PTN: variants seen among roughly 807,000 people sequenced by gnomAD.
The protein encoded by PTN is heparin affin regulatory protein.
In PTN, 18 loss-of-function variants were observed where a neutral mutation model predicts 24.1. That is an observed-to-expected ratio of 0.75 (90% CI 0.52 to 1.11). PTN has a LOEUF of 1.11. Among genes scored for constraint, PTN ranks in the 50% least tolerant of loss-of-function variants. PTN has a pLI of 0.00. For missense variants in PTN, 163 were observed against 198.8 expected, an observed-to-expected ratio of 0.82 and a Z score of 1.08; for synonymous variants, 78 against 68.6, an observed-to-expected ratio of 1.14 and a Z score of -0.67.
At chr7:137,297,884 G>A (rs367751658) in intron 1 of PTN, among the ~76,000 whole-genome samples, 1 of 119,808 alleles carries the variant, frequency 8.3e-6, no homozygotes, top group African/African-American at 3.0e-5. Flanking sequence ...GATATCCAAG[G>A]GGCTAGAAGC....
At chr7:137,316,491 T>C (rs553450894) in intron 1 of PTN, among the ~76,000 whole-genome samples, 1 of 152,328 alleles carries the variant, frequency 6.6e-6, no homozygotes, top group African/African-American at 2.4e-5. Context: ...TGATTGCATC[T>C]GTCAAGTGGT....
chr7:137,285,536 T>C (rs1398942178), intron 1 of PTN, among the ~76,000 whole-genome samples: 2 of 152,050 alleles, frequency 1.3e-5, no homozygotes, highest in Non-Finnish European at 2.9e-5. Flanking sequence ...CATGGTGGCG[T>C]GTGCCTGTAG....
At chr7:137,270,252 T>A (rs1339712993) in intron 1 of PTN, among the ~76,000 whole-genome samples, 2 of 152,234 alleles carry the variant, frequency 1.3e-5, no homozygotes, top group Non-Finnish European at 2.9e-5. Context: ...TTTTCGATTG[T>A]CAATTAATTT....
intron 4 of PTN, among the ~76,000 whole-genome samples, chr7:137,245,559 A>C (rs1808708310): frequency 6.6e-6 from 1 of 152,198 alleles, no homozygotes; most frequent in Non-Finnish European, 1.5e-5. Flanking sequence ...TTATGTATTT[A>C]CTATACAATA....
intron 4 of PTN, among the ~76,000 whole-genome samples, chr7:137,248,566 G>A (rs322299): frequency 0.089 from 13,530 of 152,186 alleles, 650 homozygotes; most frequent in Non-Finnish European, 0.1. Context: ...CATAATCCCA[G>A]CTACTCAGGA....
chr7:137,328,513 T>C (rs1247425647), intron 1 of PTN, among the ~76,000 whole-genome samples: 1 of 152,160 alleles, frequency 6.6e-6, no homozygotes, highest in Non-Finnish European at 1.5e-5. Context: ...CTTTGGTCCC[T>C]ATTGTATGTT....
At chr7:137,240,140 T>C (rs973381926) in intron 4 of PTN, among the ~76,000 whole-genome samples, 2 of 152,166 alleles carry the variant, frequency 1.3e-5, no homozygotes, top group African/African-American at 2.4e-5. Context: ...TTCTGTTTAG[T>C]TTTTAAGGTC....
intron 4 of PTN, among the ~76,000 whole-genome samples, chr7:137,239,354 C>A (rs1808579421): frequency 6.6e-6 from 1 of 151,098 alleles, no homozygotes; most frequent in Non-Finnish European, 1.5e-5. Context: ...GGGCTAGGGA[C>A]TATAAGATGT....
chr7:137,323,472 G>A (rs1810199470), intron 1 of PTN, among the ~76,000 whole-genome samples: 1 of 152,124 alleles, frequency 6.6e-6, no homozygotes, highest in East Asian at 1.9e-4. Context: ...TCATTTGTTT[G>A]CCAAACTTTC....
In PTN at chr7:137,333,963, T is replaced by C. The variant is rs1276699877; in HGVS notation, c.-2+9476A>G. On this transcript the variant is annotated intron_variant, in intron 1 of 4. Coordinates refer to ENST00000348225, the MANE Select transcript of PTN (RefSeq NM_002825.7). ...GGGAAAGGATTCCCTATTTAATAAATGGTGCTGGGAAAACTGGCTAGCCAT... is the reference window on the plus strand; with the variant it reads ...GGGAAAGGATTCCCTATTTAATAAACGGTGCTGGGAAAACTGGCTAGCCAT... Among the ~76,000 whole-genome samples the C allele has an allele frequency of 5.9e-5, 9 of 152,150 alleles. No individual in the cohort carries two copies. In the East Asian group the frequency reaches 1.7e-3, roughly 29 times the overall value.
At chr7:137,306,509 C>T (rs912518700) in intron 1 of PTN, among the ~76,000 whole-genome samples, 7 of 151,974 alleles carry the variant, frequency 4.6e-5, no homozygotes, top group Admixed American at 4.6e-4. Flanking sequence ...TTTCCCACCC[C>T]CTGGGAGCAG....
chr7:137,300,937 T>C (rs1162039820), intron 1 of PTN, among the ~76,000 whole-genome samples: 1 of 148,588 alleles, frequency 6.7e-6, no homozygotes, highest in Non-Finnish European at 1.5e-5. Context: ...AGCTCTTTTA[T>C]GTTTTCATCC....
chr7:137,283,424 A>G (rs1353575911), intron 1 of PTN, among the ~76,000 whole-genome samples: 1 of 152,216 alleles, frequency 6.6e-6, no homozygotes, highest in East Asian at 1.9e-4. Flanking sequence ...AAAAAAATAA[A>G]GAAGAACTGA....
intron 1 of PTN, among the ~76,000 whole-genome samples, chr7:137,313,532 C>T (rs1040548408): frequency 5.3e-5 from 8 of 152,148 alleles, no homozygotes; most frequent in South Asian, 2.1e-4. Context: ...TAGCTCTCCC[C>T]CTTAATCGAT....
At chr7:137,314,312 T>A (rs1190933306) in intron 1 of PTN, among the ~76,000 whole-genome samples, 1 of 152,294 alleles carries the variant, frequency 6.6e-6, no homozygotes, top group African/African-American at 2.4e-5. Flanking sequence ...CTTTTCTGCA[T>A]GTATTAACTT....
At chr7:137,315,000 A>G (rs1020568986) in intron 1 of PTN, among the ~76,000 whole-genome samples, 5 of 152,174 alleles carry the variant, frequency 3.3e-5, no homozygotes, top group Non-Finnish European at 5.9e-5. Flanking sequence ...CTGTTAAAGT[A>G]ATTGATGTGG....
chr7:137,276,863 G>A (rs1809368857), intron 1 of PTN, among the ~76,000 whole-genome samples: 1 of 151,894 alleles, frequency 6.6e-6, no homozygotes, highest in Non-Finnish European at 1.5e-5. Flanking sequence ...AGCTGTAGCA[G>A]TTTTCTCAGT....
chr7:137,241,779 G>A (rs1315141020), intron 4 of PTN, among the ~76,000 whole-genome samples: 2 of 152,116 alleles, frequency 1.3e-5, no homozygotes, highest in African/African-American at 4.8e-5. Flanking sequence ...GAGACCCAAC[G>A]GAGTACAAGT....
intron 3 of PTN, among the ~76,000 whole-genome samples, chr7:137,252,034 C>T (rs781714780): frequency 1.3e-5 from 2 of 151,848 alleles, no homozygotes. Context: ...GTTTTCATTT[C>T]TCTGAGATAA....
Sources: allele counts gnomAD v4.1 joint callset (sites outside exome capture counted in the v4.1 genomes callset), GRCh38; gene constraint gnomAD v4.1.1; transcripts MANE v1.5; gene names NCBI Gene and HGNC (gene_info 2026-07-23, HGNC 2026-07-21).